Variants in NF1 observed in about 807,000 individuals in gnomAD.
NF1 encodes the protein neurofibromin 1, also known as neurofibromin.
In NF1, 122 loss-of-function variants were observed where a neutral mutation model predicts 325.7. That is an observed-to-expected ratio of 0.37 (90% CI 0.32 to 0.44). NF1 has a LOEUF of 0.44. Among genes scored for constraint, NF1 ranks in the 20% least tolerant of loss-of-function variants. The pLI is 1.00. For missense variants in NF1, 2,140 were observed against 3,415.4 expected (o/e 0.63, Z 9.31); for synonymous variants, 1,091 against 1,186.0 (o/e 0.92, Z 1.65).
chr17:31,157,292 A>C (rs1456126468), intron 2 of NF1, among the ~76,000 whole-genome samples: 1 of 152,116 alleles, frequency 6.6e-6, no homozygotes, highest in Admixed American at 6.6e-5. Context: ...CCCAGCCTGC[A>C]TTTATAATCC....
chr17:31,341,725 G>GTA (rs940106139), intron 47 of NF1, among the ~76,000 whole-genome samples: 23 of 151,586 alleles, frequency 1.5e-4, no homozygotes, highest in African/African-American at 5.1e-4. Context: ...ATGTGTGTGT[G>GTA]TATATATATA....
At chr17:31,281,854 C>T (rs1026866737) in intron 36 of NF1, among the ~76,000 whole-genome samples, 3 of 151,784 alleles carry the variant, frequency 2.0e-5, no homozygotes, top group East Asian at 1.9e-4. Context: ...TCCAGGAGTT[C>T]GAGACCAGCC....
chr17:31,294,946 A>G (rs1245511412), intron 36 of NF1: 1 of 1,606,394 alleles, frequency 6.2e-7, no homozygotes, highest in Non-Finnish European at 8.5e-7. Context: ...TTAGATATGG[A>G]CATATTTTCC....
At chr17:31,366,943 C>A (rs1297106549) in intron 57 of NF1, among the ~76,000 whole-genome samples, 1 of 151,938 alleles carries the variant, frequency 6.6e-6, no homozygotes, top group Non-Finnish European at 1.5e-5. Context: ...ATAATTCTTG[C>A]TAATTTTTAA....
chr17:31,193,552 A>T (rs1452615116), intron 8 of NF1, among the ~76,000 whole-genome samples: 3 of 152,194 alleles, frequency 2.0e-5, no homozygotes, highest in Non-Finnish European at 2.9e-5. Flanking sequence ...ATTGCAAAGG[A>T]AACAATTGGC....
chr17:31,166,221 A>C (rs1457284212), intron 4 of NF1, among the ~76,000 whole-genome samples: 2 of 152,122 alleles, frequency 1.3e-5, no homozygotes, highest in African/African-American at 2.4e-5. Flanking sequence ...ACAGTTTACT[A>C]TTTGGTTCCA....
chr17:31,271,273 T>C (rs1022929472), intron 36 of NF1, among the ~76,000 whole-genome samples: 1 of 152,240 alleles, frequency 6.6e-6, no homozygotes, highest in Non-Finnish European at 1.5e-5. Context: ...GTACTCAATA[T>C]AAGATAATCT....
At chr17:31,122,038 G>T (rs1266424262) in intron 1 of NF1, among the ~76,000 whole-genome samples, 2 of 152,204 alleles carry the variant, frequency 1.3e-5, no homozygotes, top group African/African-American at 4.8e-5. Flanking sequence ...TTTATTCTGT[G>T]GGTTCAGGGA....
intron 36 of NF1, among the ~76,000 whole-genome samples, chr17:31,293,023 C>G (rs534136776): frequency 6.3e-4 from 96 of 151,346 alleles, no homozygotes; most frequent in Admixed American, 1.5e-3. Flanking sequence ...ACTGAAAATA[C>G]AAAAATTAGT....
Position 31,375,276 on chromosome 17 carries a change from C to G in NF1, c.*1121C>G. 4.4e-6 allele frequency: 1 copy of G among 227,106 alleles called. No homozygotes were observed. The highest frequency in any genetic ancestry group is 8.8e-6 in the Non-Finnish European group (1 of 114,024). 14.1% of individuals were successfully genotyped at this position (227,106 alleles called of 1,614,324 possible). A position where few individuals can be genotyped will look rare whatever the true frequency, so the allele number is the denominator to read the frequency against. On this transcript the variant is annotated 3_prime_UTR_variant, in exon 58 of 58. Coordinates refer to ENST00000358273, the MANE Select transcript of NF1 (RefSeq NM_001042492.3). ...GTATTTTGAATGTCTTTTAATCTTC[C>G]TCCTCCTCTCCAAAAAAATCAGAAA... is the stretch of plus-strand genomic sequence containing the variant.
At chr17:31,205,040 C>G (rs2066595910) in intron 11 of NF1, among the ~76,000 whole-genome samples, 1 of 152,094 alleles carries the variant, frequency 6.6e-6, no homozygotes, top group Non-Finnish European at 1.5e-5. Context: ...TCTTCCCTCC[C>G]AGTTTTGGGA....
rs1202053432 is a variant in NF1, at chr17:31,219,043, A to T, written c.1566A>T (p.Thr522=). ...AGGGGCCCGAAACCCAAGGCAGTAC[A>T]GCAGAATTAATTACAGGGCTCGTCC... ...RKQGPETQGS[T]AELITGLVQL... Residue 522 remains threonine, a synonymous_variant, in exon 14 of 58, where the codon ACA becomes ACT. Coordinates refer to ENST00000358273, the MANE Select transcript of NF1 (RefSeq NM_001042492.3). 1 of 1,613,846 alleles carries T rather than the reference A, an allele frequency of 6.2e-7. No individual in the cohort carries two copies. The highest frequency in any genetic ancestry group is 1.3e-5 in the African/African-American group (1 of 75,004).
intron 1 of NF1, among the ~76,000 whole-genome samples, chr17:31,117,701 A>AAAAAAAAT (rs1914067801): frequency 6.7e-6 from 1 of 150,026 alleles, no homozygotes; most frequent in Non-Finnish European, 1.5e-5. Flanking sequence ...AAAAAAAAAA[A>AAAAAAAAT]AAGGAATAGT....
At chr17:31,211,825 T>C (rs376716103) in intron 12 of NF1, among the ~76,000 whole-genome samples, 3 of 152,192 alleles carry the variant, frequency 2.0e-5, no homozygotes, top group Admixed American at 1.3e-4. Flanking sequence ...GAGTGAGTGT[T>C]GAGTGCATGT....
chr17:31,340,354 G>C, intron 46 of NF1, 151 bp from the exon 47 acceptor site: 1 of 932,324 alleles, frequency 1.1e-6, no homozygotes, highest in Non-Finnish European at 1.6e-6. Flanking sequence ...ATATGGAAAA[G>C]TGAAGAGCTT....
At chr17:31,275,715 CT>C (rs1293657412) in intron 36 of NF1, among the ~76,000 whole-genome samples, 11 of 152,170 alleles carry the variant, frequency 7.2e-5, no homozygotes, top group African/African-American at 2.7e-4. Flanking sequence ...ATGTCAGCAC[CT>C]TTTATACGAT....
intron 35 of NF1, 34 bp downstream of exon 35, chr17:31,261,891 C>G (rs2067693003): frequency 6.2e-7 from 1 of 1,611,118 alleles, no homozygotes; most frequent in South Asian, 1.1e-5. Context: ...TGATTGCTTT[C>G]TTTTTGGTTG....
intron 8 of NF1, among the ~76,000 whole-genome samples, chr17:31,194,024 A>G (rs904300247): frequency 2.6e-5 from 4 of 152,210 alleles, no homozygotes; most frequent in African/African-American, 9.6e-5. Context: ...TGATCCAACA[A>G]TTCATTACTG....
chr17:31,356,369 C>A (rs2070270859), intron 51 of NF1, 91 bp from the exon 52 acceptor site: 14 of 1,383,550 alleles, frequency 1.0e-5, no homozygotes, highest in African/African-American at 2.9e-5. Context: ...AAAGCTTAAA[C>A]ACTTTATGTC....
Sources: allele counts gnomAD v4.1 joint callset (sites outside exome capture counted in the v4.1 genomes callset), GRCh38; gene constraint gnomAD v4.1.1; transcripts MANE v1.5; gene names NCBI Gene and HGNC (gene_info 2026-07-23, HGNC 2026-07-21).